ADAMTSL1: variants seen among roughly 807,000 people sequenced by gnomAD.
ADAMTSL1 encodes the protein ADAMTS-like protein 1.
In ADAMTSL1, 126 loss-of-function variants were observed where a neutral mutation model predicts 201.8. The observed-to-expected ratio is 0.62, with a 90% CI of 0.54 to 0.72. ADAMTSL1 has a LOEUF of 0.72. Ranked by LOEUF, ADAMTSL1 falls within the 30% of genes least tolerant of loss-of-function variation. The probability of loss-of-function intolerance (pLI) is 0.00; values close to 1 mark genes in which losing one functional copy is unlikely to be tolerated. For synonymous variants in ADAMTSL1, 1,121 were observed against 903.4 expected (o/e 1.24, Z -4.32); for missense variants, 2,679 against 2,277.8 (o/e 1.18, Z -3.59).
chr9:18,099,351 ATATATTTT>A (rs1179115874), intron 1 of ADAMTSL1, among the ~76,000 whole-genome samples: 938 of 52,526 alleles, frequency 0.018, 15 homozygotes, highest in Middle Eastern at 0.038. Context: ...ATATATATAT[ATATATTTT>A]TTTTTTTTTT....
At chr9:18,711,340 T>C (rs988315001) in intron 14 of ADAMTSL1, among the ~76,000 whole-genome samples, 1 of 151,970 alleles carries the variant, frequency 6.6e-6, no homozygotes, top group African/African-American at 2.4e-5. Context: ...GGTACTGGGT[T>C]CATCTCACTA....
chr9:18,859,263 G>C (rs1215920952), intron 23 of ADAMTSL1, among the ~76,000 whole-genome samples: 1 of 152,156 alleles, frequency 6.6e-6, no homozygotes, highest in Non-Finnish European at 1.5e-5. Context: ...GTCTTTTCCA[G>C]CTCCTCAAAG....
chr9:18,353,506 A>G (rs960164547), intron 2 of ADAMTSL1, among the ~76,000 whole-genome samples: 10 of 152,340 alleles, frequency 6.6e-5, no homozygotes, highest in African/African-American at 2.4e-4. Context: ...AGCACAGGTT[A>G]GGGTGAACAT....
intron 2 of ADAMTSL1, among the ~76,000 whole-genome samples, chr9:18,382,253 G>A (rs1358185150): frequency 6.6e-6 from 1 of 152,148 alleles, no homozygotes; most frequent in African/African-American, 2.4e-5. Context: ...GATCTGTTAA[G>A]TCTTTAGGAT....
At chr9:18,265,070 A>G (rs569288142) in intron 2 of ADAMTSL1, among the ~76,000 whole-genome samples, 1 of 152,218 alleles carries the variant, frequency 6.6e-6, no homozygotes, top group Non-Finnish European at 1.5e-5. Context: ...TCATAGCCAC[A>G]GGAATAGTAT....
intron 26 of ADAMTSL1, among the ~76,000 whole-genome samples, chr9:18,901,239 A>T (rs895036896): frequency 1.3e-5 from 2 of 152,154 alleles, no homozygotes; most frequent in African/African-American, 4.8e-5. Context: ...AATGAGGGGG[A>T]AGTTATGACA....
At position 18,547,604 on chromosome 9, in the gene ADAMTSL1, C is replaced by T. The variant is rs181984945; in HGVS notation, c.237+14312C>T. On this transcript the variant is annotated intron_variant, in intron 3 of 28. Transcript: ENST00000380548. ...ATGTCAGGAGTTTCGAGGAGGCTCT[C>T]TGTTGTGAAGAGCGGCTGTATATAT... 3.4e-3 allele frequency among the ~76,000 whole-genome samples: 458 copies of T among 133,734 alleles called. 1 individual carries two copies. The highest frequency in any genetic ancestry group is 5.1e-3 in the Non-Finnish European group (336 of 65,440). 87.7% of individuals were successfully genotyped at this position (133,734 alleles called of 152,430 possible).
chr9:18,233,675 T>G (rs952459574), intron 2 of ADAMTSL1, among the ~76,000 whole-genome samples: 2 of 152,138 alleles, frequency 1.3e-5, no homozygotes, highest in East Asian at 3.9e-4. Context: ...GAACACCTTA[T>G]TGGAAAGAAT....
intron 4 of ADAMTSL1, among the ~76,000 whole-genome samples, chr9:18,616,349 C>T (rs1458754772): frequency 6.6e-6 from 1 of 152,130 alleles, no homozygotes; most frequent in Non-Finnish European, 1.5e-5. Flanking sequence ...ATCAAATGTC[C>T]CCTGACCATT....
intron 25 of ADAMTSL1, among the ~76,000 whole-genome samples, chr9:18,891,596 A>G (rs2131557395): frequency 6.6e-6 from 1 of 152,304 alleles, no homozygotes; most frequent in African/African-American, 2.4e-5. Flanking sequence ...ACATTCAGAG[A>G]ACAACTATTT....
intron 2 of ADAMTSL1, among the ~76,000 whole-genome samples, chr9:18,292,808 G>A (rs2132690666): frequency 6.6e-6 from 1 of 152,292 alleles, no homozygotes; most frequent in East Asian, 1.9e-4. Flanking sequence ...GAGGTTTTGG[G>A]ACTGAGACTG....
chr9:18,263,449 C>A (rs935578919), intron 2 of ADAMTSL1, among the ~76,000 whole-genome samples: 5 of 152,154 alleles, frequency 3.3e-5, no homozygotes, highest in Non-Finnish European at 5.9e-5. Flanking sequence ...TTGGCGTCAC[C>A]TGGTGTTGTA....
Position 17,925,713 on chromosome 9 carries a change from G to A in ADAMTSL1, c.87+18791G>A, listed in dbSNP as rs868856310. 1.1e-3 allele frequency among the ~76,000 whole-genome samples: 137 copies of A among 127,546 alleles called. 1 individual carries two copies. The highest frequency in any genetic ancestry group is 3.6e-3 in the African/African-American group (114 of 32,088). The allele number at this position is 127,546 out of a possible 152,430, so 83.7% of individuals were successfully genotyped here. ...CACTCTGGGGACTGTGGTGGGGTGG[G>A]GGGAGGGGGGAGGGATAGCATTGGG... On this transcript the variant is annotated intron_variant, in intron 1 of 29. Coordinates refer to the ADAMTSL1 transcript ENST00000680146.
At chr9:18,023,188 A>C (rs72697460) in intron 1 of ADAMTSL1, among the ~76,000 whole-genome samples, 2,096 of 152,210 alleles carry the variant, frequency 0.014, 23 homozygotes, top group Non-Finnish European at 0.018. Flanking sequence ...TACCTAGAAC[A>C]ATGACTCAAA....
chr9:18,404,495 C>G (rs1222502449), intron 2 of ADAMTSL1, among the ~76,000 whole-genome samples: 1 of 152,200 alleles, frequency 6.6e-6, no homozygotes, highest in African/African-American at 2.4e-5. Context: ...TCACCAGGCT[C>G]AAGTCAGCCT....
rs187816918 is a variant in ADAMTSL1, at chr9:18,698,421, C to G, written c.1575-8326C>G. ...GCCTCAGTCTCCCAAGTAGCTTGGG[C>G]TTGCAGGTGTATGCCACCATGCCTG... On this transcript the variant is annotated intron_variant, in intron 13 of 28. Transcript: ENST00000380548. Among the ~76,000 whole-genome samples, 127 of 152,216 alleles carry G rather than the reference C, an allele frequency of 8.3e-4. No individual in the cohort carries two copies. The Middle Eastern group carries it at 0.017, about 20-fold the overall frequency.
chr9:18,608,997 A>G (rs1433175333), intron 4 of ADAMTSL1, among the ~76,000 whole-genome samples: 3 of 152,310 alleles, frequency 2.0e-5, no homozygotes, highest in East Asian at 1.9e-4. Flanking sequence ...CTTTCATTAC[A>G]TTCAACTGGC....
intron 15 of ADAMTSL1, among the ~76,000 whole-genome samples, chr9:18,752,577 C>G (rs1312342173): frequency 6.6e-6 from 1 of 152,230 alleles, no homozygotes; most frequent in East Asian, 1.9e-4. Flanking sequence ...TTCATAGGCC[C>G]TTAGCTCACT....
In ADAMTSL1 at chr9:18,828,696, A is replaced by ATATATATATATATATATATATT. The variant is rs1384860090; in HGVS notation, c.4115-1147_4115-1146insTATATATATATATATATATATT. On this transcript the variant is annotated intron_variant, in intron 22 of 28. Transcript: ENST00000380548. ...TATATATATATATATATATATATAAAATGTGTGTGTGTGTATATATATATA... is the reference window on the plus strand; with the variant it reads ...TATATATATATATATATATATATAAATATATATATATATATATATATTATGTGTGTGTGTGTATATATATATA... Among the ~76,000 whole-genome samples the ATATATATATATATATATATATT allele has an allele frequency of 4.8e-4, 44 of 91,054 alleles. 1 individual carries two copies. The highest frequency in any genetic ancestry group is 8.7e-4 in the Non-Finnish European group (39 of 44,894). The allele number at this position is 91,054 out of a possible 152,430, so 59.7% of individuals were successfully genotyped here. A position where few individuals can be genotyped will look rare whatever the true frequency, so the allele number is the denominator to read the frequency against.
Sources: allele counts gnomAD v4.1 joint callset (sites outside exome capture counted in the v4.1 genomes callset), GRCh38; gene constraint gnomAD v4.1.1; transcripts MANE v1.5; gene names NCBI Gene and HGNC (gene_info 2026-07-23, HGNC 2026-07-21).